NPSR1: variants seen among roughly 807,000 people sequenced by gnomAD.
NPSR1 encodes the protein neuropeptide S receptor.
Under a neutral mutation model 46.9 loss-of-function variants are expected in NPSR1, and 48 were observed. That is an observed-to-expected ratio of 1.02 (90% CI 0.81 to 1.30). The LOEUF is 1.30. Among genes scored for constraint, NPSR1 ranks in the 50% most tolerant of loss-of-function variants. The pLI is 0.00. For missense variants in NPSR1, 450 were observed against 449.5 expected, an observed-to-expected ratio of 1.00 and a Z score of -0.01; for synonymous variants, 176 against 168.1, an observed-to-expected ratio of 1.05 and a Z score of -0.36.
Position 34,756,166 on chromosome 7 carries a change from G to T in NPSR1, c.281-22296G>T, listed in dbSNP as rs190113435. Among the ~76,000 whole-genome samples, 13 of 152,250 alleles carry T rather than the reference G, an allele frequency of 8.5e-5. No homozygotes were observed. The South Asian group carries it at 2.7e-3, about 32-fold the overall frequency. ...CCAGCTCAGTCCAGCTCAACAGCTCGGATTGTTCTCCCCACCGCCCCCCTA... is the reference window on the plus strand; with the variant it reads ...CCAGCTCAGTCCAGCTCAACAGCTCTGATTGTTCTCCCCACCGCCCCCCTA... On this transcript the variant is annotated intron_variant, in intron 2 of 8. Transcript: ENST00000360581.
At chr7:34,804,359 C>G (rs1788583377) in intron 3 of NPSR1, among the ~76,000 whole-genome samples, 1 of 152,008 alleles carries the variant, frequency 6.6e-6, no homozygotes, top group African/African-American at 2.4e-5. Context: ...GCATGAAAAT[C>G]TGGTTAAATA....
intron 2 of NPSR1, among the ~76,000 whole-genome samples, chr7:34,710,467 T>C (rs564365799): frequency 2.0e-5 from 3 of 152,144 alleles, no homozygotes; most frequent in South Asian, 4.1e-4. Flanking sequence ...TCAAAGAAGG[T>C]AAATTGTATT....
At chr7:34,750,142 T>TTC (rs1785444926) in intron 2 of NPSR1, 1 of 305,626 alleles carries the variant, frequency 3.3e-6, no homozygotes, top group Admixed American at 4.6e-5. Flanking sequence ...TTTTTTTTTT[T>TTC]CAAAAAAGGA....
intron 2 of NPSR1, among the ~76,000 whole-genome samples, chr7:34,706,121 T>C (rs1317584787): frequency 6.6e-6 from 1 of 152,086 alleles, no homozygotes; most frequent in Non-Finnish European, 1.5e-5. Flanking sequence ...AAATCTAAAG[T>C]CAGTCCAAGA....
At chr7:34,734,607 C>A (rs910523736) in intron 2 of NPSR1, among the ~76,000 whole-genome samples, 1 of 152,194 alleles carries the variant, frequency 6.6e-6, no homozygotes, top group South Asian at 2.1e-4. Flanking sequence ...ATAATCTTTT[C>A]TTTGGTTGGG....
intron 2 of NPSR1, among the ~76,000 whole-genome samples, chr7:34,713,576 G>T (rs920111656): frequency 2.0e-5 from 3 of 152,102 alleles, no homozygotes; most frequent in African/African-American, 7.2e-5. Context: ...TAGTGGGAAG[G>T]CTGTGGGAGC....
chr7:34,806,194 A>G (rs2128749224), intron 3 of NPSR1, among the ~76,000 whole-genome samples: 1 of 152,216 alleles, frequency 6.6e-6, no homozygotes, highest in South Asian at 2.1e-4. Context: ...TACTCAGTTG[A>G]GTTGACAACT....
In NPSR1 at chr7:34,834,437, A is replaced by T; in HGVS notation, c.734A>T (p.Glu245Val). The change falls in exon 6 of 9, where the codon GAA (glutamate) becomes GTA (valine). Residue 245 changes from glutamate to valine, a missense_variant. Glu to Val is a moderately radical substitution (Grantham distance 121, BLOSUM62 -2). Transcript: ENST00000360581. ...ATTTGGATTAAAAGCAAAACCTACG[A>T]AACAGTGATTTCCAACTGCTCAGGT... The part of the protein sequence containing the change: ...RTIWIKSKTY[E>V]TVISNCSDGK... 1 of 1,613,010 alleles carries T rather than the reference A, an allele frequency of 6.2e-7. No homozygotes were observed. The highest frequency in any genetic ancestry group is 8.5e-7 in the Non-Finnish European group (1 of 1,178,970).
intron 5 of NPSR1, among the ~76,000 whole-genome samples, chr7:34,829,335 A>G (rs1790011272): frequency 6.6e-6 from 1 of 152,198 alleles, no homozygotes; most frequent in Admixed American, 6.5e-5. Context: ...CCAACACTTT[A>G]TTTTGACTTA....
chr7:34,878,249 A>C, exon 9 of NPSR1: 1 of 951,248 alleles, frequency 1.1e-6, no homozygotes, highest in East Asian at 2.6e-5. Flanking sequence ...TTACCAGGGC[A>C]CAAGGACACC....
chr7:34,718,392 G>C (rs1367145900), intron 2 of NPSR1, among the ~76,000 whole-genome samples: 1 of 152,134 alleles, frequency 6.6e-6, no homozygotes, highest in African/African-American at 2.4e-5. Flanking sequence ...AAAGACAAAG[G>C]ACAGCTCAGG....
At position 34,844,888 on chromosome 7, in the gene NPSR1, A is replaced by G. The variant is rs1255253150; in HGVS notation, c.758-8A>G. ...CTTCATCTTACTATTCCCCTCTTGT[A>G]TCTACAGATGGGAAACTGTGCAGCA... is the stretch of plus-strand genomic sequence containing the variant. On this transcript the variant is annotated splice_polypyrimidine_tract_variant and splice_region_variant and intron_variant, in intron 6 of 8. Transcript: ENST00000360581. 2.6e-6 allele frequency: 4 copies of G among 1,557,736 alleles called. No individual in the cohort carries two copies. The East Asian group carries it at 9.0e-5, about 35-fold the overall frequency.
chr7:34,691,451 C>T (rs1485890181), intron 2 of NPSR1, among the ~76,000 whole-genome samples: 3 of 152,080 alleles, frequency 2.0e-5, no homozygotes, highest in African/African-American at 2.4e-5. Context: ...ACTCAACTAT[C>T]TGCTACCTAC....
chr7:34,708,048 C>A (rs1486668560), intron 2 of NPSR1, among the ~76,000 whole-genome samples: 1 of 152,106 alleles, frequency 6.6e-6, no homozygotes, highest in Non-Finnish European at 1.5e-5. Flanking sequence ...TTAGGGCCCA[C>A]CCAGAATTAC....
intron 8 of NPSR1, among the ~76,000 whole-genome samples, chr7:34,863,710 A>C (rs539689954): frequency 6.6e-6 from 1 of 151,954 alleles, no homozygotes; most frequent in South Asian, 2.1e-4. Context: ...GGCAATCCTT[A>C]AAAAGCCAGG....
At chr7:34,686,162 A>G (rs1473139965) in intron 2 of NPSR1, 1 of 150,916 alleles carries the variant, frequency 6.6e-6, no homozygotes, top group Non-Finnish European at 1.5e-5. Flanking sequence ...AATTCACTAC[A>G]TATTATCAAA....
intron 2 of NPSR1, among the ~76,000 whole-genome samples, chr7:34,745,217 T>G (rs1373851301): frequency 6.6e-6 from 1 of 152,162 alleles, no homozygotes; most frequent in Non-Finnish European, 1.5e-5. Flanking sequence ...GGAACTCCAG[T>G]GGGATTTTTG....
chr7:34,776,029 T>C (rs1786940469), intron 2 of NPSR1, among the ~76,000 whole-genome samples: 1 of 152,136 alleles, frequency 6.6e-6, no homozygotes, highest in Non-Finnish European at 1.5e-5. Flanking sequence ...CATGTATTTG[T>C]ATAGTTTCCA....
chr7:34,852,204 G>A (rs1302188061), downstream of NPSR1, among the ~76,000 whole-genome samples: 3 of 152,120 alleles, frequency 2.0e-5, no homozygotes, highest in Non-Finnish European at 2.9e-5. Flanking sequence ...GGAGGCTGAG[G>A]CAAGAGAATG....
Sources: gnomAD v4.1 joint callset for allele counts (sites outside exome capture counted in the v4.1 genomes callset) on GRCh38, gnomAD v4.1.1 for gene constraint, MANE v1.5 for transcripts, NCBI Gene and HGNC (gene_info 2026-07-23, HGNC 2026-07-21) for gene names.